The following CNIH3 variants were observed in gnomAD, a reference collection of about 807,000 sequenced individuals.
CNIH3 encodes protein cornichon homolog 3.
CNIH3 carries 14 observed loss-of-function variants against 24.1 expected under a neutral mutation model. That is an observed-to-expected ratio of 0.58 (90% CI 0.38 to 0.91). The LOEUF (loss-of-function observed/expected upper bound fraction) is 0.91. CNIH3 is among the 40% of genes least tolerant of loss of function. The pLI is 0.00. For synonymous variants in CNIH3, 68 were observed against 73.8 expected (o/e 0.92, Z 0.40); for missense variants, 178 against 196.8 (o/e 0.90, Z 0.57).
chr1:224,502,311 G>T (rs899584601), intron 1 of CNIH3, among the ~76,000 whole-genome samples: 91 of 152,266 alleles, frequency 6.0e-4, no homozygotes, highest in African/African-American at 1.9e-3. Flanking sequence ...GAACGTAGCT[G>T]GTCAGCAGAA....
rs200592333 is a variant in CNIH3 at position 224,608,733 on chromosome 1, G to A, written n.402+42469G>A. 2.9e-4 allele frequency among the ~76,000 whole-genome samples: 44 copies of A among 152,282 alleles called. 1 individual carries two copies. In the East Asian group the frequency reaches 8.1e-3, roughly 28 times the overall value. On this transcript the variant is annotated intron_variant and non_coding_transcript_variant, in intron 3 of 7. Transcript: ENST00000478120. ...AGAAATTGGGCATAAGACAATATGA[G>A]GGGTGGTCTCCTCCCTTACCCTGAT...
chr1:224,521,850 T>G (rs112436460), intron 2 of CNIH3, among the ~76,000 whole-genome samples: 4 of 152,290 alleles, frequency 2.6e-5, no homozygotes, highest in African/African-American at 9.6e-5. Context: ...CCCCACCTTA[T>G]TTTTTTCTTT....
intron 1 of CNIH3, chr1:224,661,561 A>G: frequency 2.6e-6 from 1 of 377,912 alleles, no homozygotes; most frequent in African/African-American, 2.1e-5. Context: ...GGTAAATGGA[A>G]ATGGGTCTCT....
intron 3 of CNIH3, among the ~76,000 whole-genome samples, chr1:224,705,040 C>A (rs1426536067): frequency 6.6e-6 from 1 of 152,126 alleles, no homozygotes; most frequent in African/African-American, 2.4e-5. Flanking sequence ...ATTGCTTGAA[C>A]CTGGGAGACG....
intron 3 of CNIH3, among the ~76,000 whole-genome samples, chr1:224,691,087 T>C (rs944187658): frequency 6.6e-6 from 1 of 152,212 alleles, no homozygotes; most frequent in Non-Finnish European, 1.5e-5. Context: ...AAGTCAGTCT[T>C]GTTAAATGAG....
chr1:224,463,090 G>T (rs1675995235), intron 1 of CNIH3, among the ~76,000 whole-genome samples: 1 of 151,646 alleles, frequency 6.6e-6, no homozygotes, highest in Non-Finnish European at 1.5e-5. Context: ...TAGAGATGGG[G>T]TTTCATCATG....
At chr1:224,693,656 CT>C (rs1474992914) in intron 3 of CNIH3, among the ~76,000 whole-genome samples, 3 of 152,206 alleles carry the variant, frequency 2.0e-5, no homozygotes, top group East Asian at 3.9e-4. Context: ...CCTTTTCAAG[CT>C]TTGGTCAGCA....
intron 3 of CNIH3, among the ~76,000 whole-genome samples, chr1:224,686,930 A>G (rs959464584): frequency 3.9e-5 from 6 of 152,246 alleles, no homozygotes; most frequent in African/African-American, 7.2e-5. Flanking sequence ...TCCAAGGAAC[A>G]CTGTACTCTA....
chr1:224,625,417 G>A (rs1372814728), intron 1 of CNIH3, among the ~76,000 whole-genome samples: 6 of 152,298 alleles, frequency 3.9e-5, no homozygotes, highest in Admixed American at 2.0e-4. Context: ...TTAGCCAGGC[G>A]TGGTGGTGGG....
chr1:224,551,984 A>C (rs942178586), intron 3 of CNIH3, among the ~76,000 whole-genome samples: 1 of 151,550 alleles, frequency 6.6e-6, no homozygotes, highest in African/African-American at 2.4e-5. Context: ...TATACTACTA[A>C]TATCACACGG....
At position 224,439,537 on chromosome 1, in the gene CNIH3, C is replaced by T. The variant is rs145814447; in HGVS notation, n.203+4675C>T. On this transcript the variant is annotated intron_variant and non_coding_transcript_variant, in intron 1 of 5. Transcript: ENST00000471578. ...CTTGCAGCACTTTTGCAGTATGGGCCGTATTAAAAAAAAAAAACATTTAAC... is the reference window on the plus strand; with the variant it reads ...CTTGCAGCACTTTTGCAGTATGGGCTGTATTAAAAAAAAAAAACATTTAAC... 3.6e-4 allele frequency among the ~76,000 whole-genome samples: 54 copies of T among 148,994 alleles called. No individual in the cohort carries two copies. In the East Asian group the frequency reaches 7.8e-3, roughly 21 times the overall value.
At chr1:224,590,667 C>A (rs1681715124), downstream of CNIH3, among the ~76,000 whole-genome samples, 1 of 152,124 alleles carries the variant, frequency 6.6e-6, no homozygotes. Context: ...GGGTGGAGCC[C>A]TCGTGACCTA....
intron 3 of CNIH3, among the ~76,000 whole-genome samples, chr1:224,603,572 C>T (rs929817803): frequency 6.6e-6 from 1 of 152,200 alleles, no homozygotes; most frequent in South Asian, 2.1e-4. Flanking sequence ...TCCCACAAAG[C>T]TTTTAACAGT....
chr1:224,594,285 C>G (rs10916652), intron 3 of CNIH3, among the ~76,000 whole-genome samples: 65,296 of 152,046 alleles, frequency 0.43, 14,877 homozygotes, highest in East Asian at 0.59. Context: ...CTTGCACCCC[C>G]GCTTGTCTGG....
intron 1 of CNIH3, among the ~76,000 whole-genome samples, chr1:224,658,721 C>CT (rs56192840): frequency 0.18 from 26,389 of 146,054 alleles, 2,488 homozygotes; most frequent in African/African-American, 0.24. Context: ...TCTCTCCCCT[C>CT]TTTTTTTTTT....
intron 3 of CNIH3, among the ~76,000 whole-genome samples, chr1:224,708,659 C>T (rs1687958948): frequency 6.6e-6 from 1 of 152,194 alleles, no homozygotes; most frequent in African/African-American, 2.4e-5. Flanking sequence ...TTTGACCTCT[C>T]TGTAGTATGA....
At chr1:224,505,181 G>A (rs895560771) in intron 1 of CNIH3, among the ~76,000 whole-genome samples, 8 of 151,710 alleles carry the variant, frequency 5.3e-5, no homozygotes, top group African/African-American at 1.7e-4. Context: ...GGTAGTGCGC[G>A]CCTGTAGTCC....
downstream of CNIH3, among the ~76,000 whole-genome samples, chr1:224,541,745 A>G (rs562319836): frequency 1.9e-3 from 290 of 152,274 alleles, 3 homozygotes; most frequent in African/African-American, 6.7e-3. Flanking sequence ...TTGGGTGTTT[A>G]TAGCTTTGCA....
chr1:224,692,412 G>A (rs900942199), intron 3 of CNIH3, among the ~76,000 whole-genome samples: 4 of 152,100 alleles, frequency 2.6e-5, no homozygotes, highest in Non-Finnish European at 5.9e-5. Flanking sequence ...CTGTTAATAC[G>A]GTTCTTCCTA....
Sources: allele counts gnomAD v4.1 joint callset (sites outside exome capture counted in the v4.1 genomes callset), GRCh38; gene constraint gnomAD v4.1.1; transcripts MANE v1.5; gene names NCBI Gene and HGNC (gene_info 2026-07-23, HGNC 2026-07-21).